Variants in CR2 observed in about 807,000 individuals in gnomAD.
CR2 encodes the protein complement C3d receptor 2, also known as complement receptor type 2.
A neutral mutation model predicts 123.0 loss-of-function variants in CR2; 96 were observed. The ratio of observed to expected loss-of-function variants is 0.78; its 90% CI spans 0.66 to 0.93. The LOEUF is 0.93. Ranked by LOEUF, CR2 falls within the 40% of genes least tolerant of loss-of-function variation. The pLI, the probability that CR2 is intolerant of heterozygous loss-of-function variation, is 0.00. For missense variants in CR2, 1,258 were observed against 1,361.0 expected (o/e 0.92, Z 1.19); for synonymous variants, 484 against 469.5 (o/e 1.03, Z -0.40).
rs1387018082 is a variant in CR2 at position 207,489,190 on chromosome 1, G to A, written c.*67G>A. ...GCGGAATATTGATTAGAAAGAAACTGCTCTAATATCAGCAAGTCTCTTTAT... is the reference window on the plus strand; with the variant it reads ...GCGGAATATTGATTAGAAAGAAACTACTCTAATATCAGCAAGTCTCTTTAT... On this transcript the variant is annotated 3_prime_UTR_variant, in exon 20 of 20. Transcript: ENST00000367057. The A allele has an allele frequency of 6.6e-6, 1 of 152,164 alleles. No individual in the cohort carries two copies. Among genetic ancestry groups the A allele is most frequent in the Non-Finnish European group, 1.5e-5 (1 of 68,036 alleles). The allele number at this position is 152,164 out of a possible 1,614,324, so 9.4% of individuals were successfully genotyped here.
At chr1:207,461,416 C>T (rs1346425624) in intron 1 of CR2, among the ~76,000 whole-genome samples, 1 of 152,160 alleles carries the variant, frequency 6.6e-6, no homozygotes, top group Non-Finnish European at 1.5e-5. Flanking sequence ...ATTCTCTGAA[C>T]CTCTGAGCTT....
chr1:207,481,842 T>G (rs1434396744), intron 18 of CR2, among the ~76,000 whole-genome samples: 3 of 152,082 alleles, frequency 2.0e-5, no homozygotes, highest in Non-Finnish European at 4.4e-5. Context: ...AAAGTCTATC[T>G]TTATACAGTC....
chr1:207,470,441 T>C (rs1056256495), intron 6 of CR2, among the ~76,000 whole-genome samples: 2 of 152,022 alleles, frequency 1.3e-5, no homozygotes, highest in Non-Finnish European at 2.9e-5. Context: ...GAATCTCCCA[T>C]AAAAAACATA....
At position 207,454,401 on chromosome 1, in the gene CR2, G is replaced by C. The variant is rs765171183; in HGVS notation, c.-18G>C. ...CGGGTCTCGGAACGCATCCCGCCGC[G>C]GGGGCTTCGGCCGTGGCATGGGCGC... On this transcript the variant is annotated 5_prime_UTR_variant, in exon 1 of 20. Coordinates refer to ENST00000367057, the MANE Select transcript of CR2 (RefSeq NM_001006658.3). The surrounding 1 kb of genome is among the most constrained non-coding windows in gnomAD (Gnocchi z 4.3). The C allele has an allele frequency of 2.5e-6, 4 of 1,572,388 alleles. No individual in the cohort carries two copies. In the East Asian group the frequency reaches 9.2e-5, roughly 36 times the overall value.
At chr1:207,486,093 T>C (rs1325195278) in intron 19 of CR2, among the ~76,000 whole-genome samples, 1 of 151,760 alleles carries the variant, frequency 6.6e-6, no homozygotes, top group East Asian at 1.9e-4. Context: ...TAGCCAAGCG[T>C]GGTGGTGTGC....
chr1:207,455,959 A>C (rs1276053768), intron 1 of CR2, among the ~76,000 whole-genome samples: 4 of 152,134 alleles, frequency 2.6e-5, no homozygotes, highest in Non-Finnish European at 5.9e-5. Context: ...CATTATAATT[A>C]CCTGTGTAAC....
At chr1:207,487,581 A>C (rs908445703) in intron 19 of CR2, among the ~76,000 whole-genome samples, 2 of 152,248 alleles carry the variant, frequency 1.3e-5, no homozygotes, top group East Asian at 3.8e-4. Flanking sequence ...GTTTTTTTCT[A>C]TAAAAAGGAG....
At chr1:207,458,059 A>AACACACATACAC (rs1657876622) in intron 1 of CR2, among the ~76,000 whole-genome samples, 1 of 122,570 alleles carries the variant, frequency 8.2e-6, no homozygotes, top group Non-Finnish European at 1.6e-5. Context: ...TCAAGGCCAC[A>AACACACATACAC]ACACACACAC....
In CR2 at chr1:207,454,342, C is replaced by A; in HGVS notation, c.-77C>A. The A allele has an allele frequency of 7.7e-7, 1 of 1,291,348 alleles. No homozygotes were observed. The highest frequency in any genetic ancestry group is 1.1e-6 in the Non-Finnish European group (1 of 922,360). 80.0% of individuals were successfully genotyped at this position (1,291,348 alleles called of 1,614,324 possible). A position where few individuals can be genotyped will look rare whatever the true frequency, so the allele number is the denominator to read the frequency against. ...TCCTGGCTCACAGCTGCTTGCTGCT[C>A]CAGCCTTGCCCTCCCAGAGCTGCCG... On this transcript the variant is annotated 5_prime_UTR_variant, in exon 1 of 20. Transcript: ENST00000367057. This position sits in a 1 kb window ranked among gnomAD's most constrained non-coding sequence, Gnocchi z 4.3.
chr1:207,484,179 A>G (rs1451293928), intron 18 of CR2, among the ~76,000 whole-genome samples: 1 of 152,174 alleles, frequency 6.6e-6, no homozygotes, highest in African/African-American at 2.4e-5. Flanking sequence ...AAAAATTTGC[A>G]AATTTGGGGA....
chr1:207,454,488 G>T lies in CR2; in HGVS notation c.58+12G>T, dbSNP rs1572942436. 1.9e-6 allele frequency: 3 copies of T among 1,543,396 alleles called. No homozygotes were observed. The highest frequency in any genetic ancestry group is 2.6e-6 in the Non-Finnish European group (3 of 1,146,618). ...ACCGGGGGTCCTCGGTGAGCTGGGAGGGGGAGCACGGAGGTGGGGACGCGT... is the reference window on the plus strand; with the variant it reads ...ACCGGGGGTCCTCGGTGAGCTGGGATGGGGAGCACGGAGGTGGGGACGCGT... On this transcript the variant is annotated intron_variant, in intron 1 of 19. Transcript: ENST00000367057. The surrounding 1 kb of genome is among the most constrained non-coding windows in gnomAD (Gnocchi z 4.3).
intron 18 of CR2, among the ~76,000 whole-genome samples, chr1:207,485,008 A>AT (rs1159427924): frequency 6.6e-6 from 1 of 152,202 alleles, no homozygotes; most frequent in Non-Finnish European, 1.5e-5. Flanking sequence ...TAGATCATTC[A>AT]TTTTTTATGT....
chr1:207,461,385 T>C (rs987887866), intron 1 of CR2, among the ~76,000 whole-genome samples: 52 of 152,324 alleles, frequency 3.4e-4, no homozygotes, highest in African/African-American at 1.2e-3. Context: ...ACTTTCTCCA[T>C]CTCTGAAGTC....
In CR2 at chr1:207,460,641, C is replaced by A. The variant is rs551212310; in HGVS notation, c.59-5885C>A. 2.0e-5 allele frequency among the ~76,000 whole-genome samples: 3 copies of A among 152,152 alleles called. 1 individual carries two copies. The South Asian group carries it at 6.2e-4, about 32-fold the overall frequency. ...TTGTTTTCTGCTTGTCAGTTTAGGG[C>A]GTTGAAACTTGAGCTCGTTCTCATA... is the stretch of plus-strand genomic sequence containing the variant. On this transcript the variant is annotated intron_variant, in intron 1 of 19. Transcript: ENST00000367057.
Position 207,454,539 on chromosome 1 carries a change from G to A in CR2, c.58+63G>A. On this transcript the variant is annotated intron_variant, in intron 1 of 19. Coordinates refer to ENST00000367057, the MANE Select transcript of CR2 (RefSeq NM_001006658.3). The surrounding 1 kb of genome is among the most constrained non-coding windows in gnomAD (Gnocchi z 4.3). ...CCCGGGCAGGGAAAGTTTCTGTGCCGCGATGCAAAGCAGGGGGCCAAAAGC... is the reference window on the plus strand; with the variant it reads ...CCCGGGCAGGGAAAGTTTCTGTGCCACGATGCAAAGCAGGGGGCCAAAAGC... The A allele has an allele frequency of 7.9e-7, 1 of 1,268,394 alleles. No individual in the cohort carries two copies. The highest frequency in any genetic ancestry group is 1.1e-6 in the Non-Finnish European group (1 of 927,730). The allele number at this position is 1,268,394 out of a possible 1,614,324, so 78.6% of individuals were successfully genotyped here.
chr1:207,480,925 A>C (rs1658586070), intron 18 of CR2, among the ~76,000 whole-genome samples: 1 of 152,088 alleles, frequency 6.6e-6, no homozygotes, highest in South Asian at 2.1e-4. Context: ...AATTTCAAAA[A>C]AAAATTGTGA....
rs944912892 is a variant in CR2 at position 207,474,807 on chromosome 1, C to T, written c.2324-17C>T. The T allele has an allele frequency of 1.1e-5, 17 of 1,613,698 alleles. No individual in the cohort carries two copies. The highest frequency in any genetic ancestry group is 4.2e-6 in the Non-Finnish European group (5 of 1,179,838). On this transcript the variant is annotated splice_polypyrimidine_tract_variant and intron_variant, in intron 13 of 19. Coordinates refer to ENST00000367057, the MANE Select transcript of CR2 (RefSeq NM_001006658.3). ...GAGGTACTAGCTGAAGTAGAACTCCCTAAATCTCTTCTGCAGTTATTCACT... is the reference window on the plus strand; with the variant it reads ...GAGGTACTAGCTGAAGTAGAACTCCTTAAATCTCTTCTGCAGTTATTCACT...
chr1:207,474,472 A>G, intron 13 of CR2, 149 bp downstream of exon 13: 3 of 685,146 alleles, frequency 4.4e-6, no homozygotes, highest in Non-Finnish European at 7.7e-6. Context: ...GTTGGTCAGT[A>G]TTGACACTGA....
intron 16 of CR2, 114 bp downstream of exon 16, chr1:207,478,184 G>C: frequency 4.4e-6 from 5 of 1,143,424 alleles, no homozygotes; most frequent in Non-Finnish European, 6.4e-6. Context: ...TTTGTGACCA[G>C]TTGTATAATT....
Sources: allele counts gnomAD v4.1 joint callset (sites outside exome capture counted in the v4.1 genomes callset), GRCh38; gene constraint gnomAD v4.1.1; non-coding constraint Gnocchi (gnomAD v3.1); transcripts MANE v1.5; gene names NCBI Gene and HGNC (gene_info 2026-07-23, HGNC 2026-07-21).